CASS4: variants seen among roughly 807,000 people sequenced by gnomAD.
The protein encoded by CASS4 is Cas scaffold protein family member 4, also known as cas scaffolding protein family member 4.
In CASS4, 22 loss-of-function variants were observed where a neutral mutation model predicts 54.2. That is an observed-to-expected ratio of 0.41 (90% CI 0.29 to 0.58). The LOEUF (loss-of-function observed/expected upper bound fraction) is 0.58, where lower values mean the gene tolerates loss of function less well. Ranked by LOEUF, CASS4 falls within the 20% of genes least tolerant of loss-of-function variation. The pLI, the probability that CASS4 is intolerant of heterozygous loss-of-function variation, is 0.36. For missense variants in CASS4, 854 were observed against 986.7 expected (o/e 0.87, Z 1.80); for synonymous variants, 409 against 391.5 (o/e 1.04, Z -0.53).
intron 1 of CASS4, among the ~76,000 whole-genome samples, chr20:56,432,897 G>GC (rs201501428): frequency 2.4e-5 from 2 of 83,148 alleles, no homozygotes; most frequent in South Asian, 3.2e-4. Context: ...AGTGTGGGCA[G>GC]GGGCGTCACA....
chr20:56,458,483 C>G lies in CASS4; in HGVS notation c.2097C>G (p.Pro699=). 1 of 1,614,174 alleles carries G rather than the reference C, an allele frequency of 6.2e-7. No individual in the cohort carries two copies. The highest frequency in any genetic ancestry group is 1.3e-5 in the African/African-American group (1 of 75,038). The change falls in exon 6 of 6, where the codon CCC becomes CCG. Residue 699 remains proline, a synonymous_variant. Coordinates refer to ENST00000679887, the MANE Select transcript of CASS4 (RefSeq NM_020356.4). ...ACGGCAGCCTCAGCAGCAGCCAGCC[C>G]GCGGAGATCATCACTCAGAGCAAGC... ...AFHGSLSSSQ[P]AEIITQSKLV... is the part of the protein sequence containing the mutation.
intron 1 of CASS4, among the ~76,000 whole-genome samples, chr20:56,420,870 C>G (rs1301664009): frequency 6.6e-6 from 1 of 152,086 alleles, no homozygotes; most frequent in African/African-American, 2.4e-5. Flanking sequence ...TCGGTAAGCC[C>G]CCTTTGGGTA....
chr20:56,446,285 C>A (rs978574656), intron 3 of CASS4, among the ~76,000 whole-genome samples: 4 of 152,018 alleles, frequency 2.6e-5, no homozygotes, highest in African/African-American at 9.7e-5. Context: ...GAGATGGGGT[C>A]TTGCTTTGTT....
intron 2 of CASS4, 105 bp from the exon 3 acceptor site, chr20:56,445,795 A>C: frequency 2.3e-6 from 2 of 857,272 alleles, no homozygotes; most frequent in Non-Finnish European, 3.7e-6. Context: ...CCCCTTCAGC[A>C]GTATCCACCC....
intron 2 of CASS4, among the ~76,000 whole-genome samples, chr20:56,441,948 G>T (rs1023276113): frequency 6.6e-6 from 1 of 152,150 alleles, no homozygotes; most frequent in Admixed American, 6.5e-5. Flanking sequence ...CACAGAAAAG[G>T]CAGGCGTCTC....
Position 56,439,488 on chromosome 20 carries a change from T to G in CASS4, c.459+1902T>G, listed in dbSNP as rs111246730. The stretch of plus-strand genomic sequence containing the variant: ...GAGTTTGAGACTAGCCTGGGCAACA[T>G]AGTGAGACCTCATCTTTACTAATAA... On this transcript the variant is annotated intron_variant, in intron 2 of 5. Coordinates refer to ENST00000679887, the MANE Select transcript of CASS4 (RefSeq NM_020356.4). Among the ~76,000 whole-genome samples the G allele has an allele frequency of 7.3e-5, 11 of 151,656 alleles. 1 individual carries two copies. Among genetic ancestry groups the G allele is most frequent in the African/African-American group, 2.7e-4 (11 of 41,430 alleles).
At chr20:56,424,714 C>T (rs576936827) in intron 1 of CASS4, among the ~76,000 whole-genome samples, 44 of 135,734 alleles carry the variant, frequency 3.2e-4, no homozygotes, top group African/African-American at 1.2e-3. Context: ...GCATTCCAGC[C>T]TGGATGACAG....
chr20:56,429,564 C>T (rs1001099104), intron 1 of CASS4, among the ~76,000 whole-genome samples: 2 of 152,248 alleles, frequency 1.3e-5, no homozygotes, highest in Admixed American at 6.5e-5. Context: ...CTCCAGGCAA[C>T]CTGGTCATTT....
chr20:56,454,172 C>A (rs919641672), intron 5 of CASS4, among the ~76,000 whole-genome samples: 1 of 152,184 alleles, frequency 6.6e-6, no homozygotes, highest in Non-Finnish European at 1.5e-5. Flanking sequence ...CAGAGCAAGA[C>A]TCTGTCTCAA....
intron 2 of CASS4, among the ~76,000 whole-genome samples, chr20:56,445,407 G>T (rs886429948): frequency 6.6e-6 from 1 of 152,122 alleles, no homozygotes; most frequent in African/African-American, 2.4e-5. Flanking sequence ...CCCAGACCTT[G>T]TTGGTCCCTC....
intron 3 of CASS4, among the ~76,000 whole-genome samples, chr20:56,446,974 A>G (rs1980744592): frequency 6.6e-6 from 1 of 152,130 alleles, no homozygotes; most frequent in African/African-American, 2.4e-5. Context: ...TTGGGAGGCC[A>G]AGGCAGGAGG....
In CASS4 at chr20:56,445,934, C is replaced by T; in HGVS notation, c.494C>T (p.Ser165Leu). The change falls in exon 3 of 6, where the codon TCA (serine) becomes TTA (leucine). Residue 165 changes from serine to leucine, a missense_variant. Physicochemically the swap from Ser to Leu is moderately radical, Grantham distance 145 (BLOSUM62 -2). Coordinates refer to ENST00000679887, the MANE Select transcript of CASS4 (RefSeq NM_020356.4). Reference protein sequence around the residue: ...ILTLPRPVRASLPTLPSQVYD... With the variant: ...ILTLPRPVRALLPTLPSQVYD... ...ACGCTTCCCAGACCTGTCCGGGCCT[C>T]ACTGCCGACTCTGCCTTCCCAGGTG... 2 of 1,614,116 alleles carry T rather than the reference C, an allele frequency of 1.2e-6. No individual in the cohort carries two copies. Among genetic ancestry groups the T allele is most frequent in the East Asian group, 2.2e-5 (1 of 44,892 alleles).
intron 1 of CASS4, among the ~76,000 whole-genome samples, chr20:56,413,265 T>C (rs1404250409): frequency 6.6e-6 from 1 of 152,112 alleles, no homozygotes; most frequent in Non-Finnish European, 1.5e-5. Context: ...GGTTGTGTTT[T>C]CATCTTGCTA....
intron 1 of CASS4, among the ~76,000 whole-genome samples, chr20:56,429,217 GGATGATGAAAGTGT>G (rs1979787684): frequency 2.0e-5 from 3 of 152,180 alleles, no homozygotes; most frequent in African/African-American, 7.2e-5. Flanking sequence ...ATACCACCAT[GGATGATGAAAGTGT>G]GCGGGCCAGT....
Position 56,452,154 on chromosome 20 carries a change from T to A in CASS4, c.978T>A (p.Asp326Glu). The change falls in exon 5 of 6, where the codon GAT becomes GAA. Residue 326 changes from aspartate (D) to glutamate (E), a missense_variant. Physicochemically the swap from Asp to Glu is conservative, Grantham distance 45. Coordinates refer to ENST00000679887, the MANE Select transcript of CASS4 (RefSeq NM_020356.4). ...GAGGCACATTTCCTTTGGATGAAGA[T>A]GTCAGCTACAAGGTTCCTTCAAGCT... ...VPRGTFPLDE[D>E]VSYKVPSSFL... 1 of 1,614,222 alleles carries A rather than the reference T, an allele frequency of 6.2e-7. No individual in the cohort carries two copies. Among genetic ancestry groups the A allele is most frequent in the Non-Finnish European group, 8.5e-7 (1 of 1,180,044 alleles).
chr20:56,421,353 C>T (rs772122945), intron 1 of CASS4, among the ~76,000 whole-genome samples: 1 of 152,130 alleles, frequency 6.6e-6, no homozygotes, highest in Non-Finnish European at 1.5e-5. Flanking sequence ...TGTAGTGGCA[C>T]GTGGATATGA....
At chr20:56,444,702 G>A (rs944684252) in intron 2 of CASS4, among the ~76,000 whole-genome samples, 4 of 152,198 alleles carry the variant, frequency 2.6e-5, no homozygotes, top group Non-Finnish European at 5.9e-5. Context: ...CAACATCATT[G>A]AGCTCTGGAG....
At chr20:56,425,247 T>G (rs1364574472) in intron 1 of CASS4, among the ~76,000 whole-genome samples, 3 of 152,224 alleles carry the variant, frequency 2.0e-5, no homozygotes, top group Admixed American at 1.3e-4. Flanking sequence ...TCAACTTGCC[T>G]GGACCAGGCC....
intron 1 of CASS4, among the ~76,000 whole-genome samples, chr20:56,423,023 C>T (rs1353449699): frequency 6.6e-6 from 1 of 152,140 alleles, no homozygotes; most frequent in Non-Finnish European, 1.5e-5. Flanking sequence ...CATCCTTCCC[C>T]ATGGCTGGGG....
Sources: allele counts gnomAD v4.1 joint callset (sites outside exome capture counted in the v4.1 genomes callset), GRCh38; gene constraint gnomAD v4.1.1; transcripts MANE v1.5; gene names NCBI Gene and HGNC (gene_info 2026-07-23, HGNC 2026-07-21).